Variants in HS2ST1 observed in about 807,000 individuals in gnomAD.
The protein encoded by HS2ST1 is 2-O-sulfotransferase.
HS2ST1 carries 18 observed loss-of-function variants against 42.9 expected under a neutral mutation model. The observed-to-expected ratio is 0.42, with a 90% confidence interval of 0.29 to 0.62. HS2ST1 has a LOEUF of 0.62. Among genes scored for constraint, HS2ST1 ranks in the 20% least tolerant of loss-of-function variants. The pLI is 0.21. For missense variants in HS2ST1, 334 were observed against 433.8 expected (o/e 0.77, Z 2.04); for synonymous variants, 146 against 152.9 (o/e 0.95, Z 0.33).
intron 1 of HS2ST1, among the ~76,000 whole-genome samples, chr1:86,946,765 T>C (rs1294553955): frequency 6.6e-6 from 1 of 152,218 alleles, no homozygotes; most frequent in Non-Finnish European, 1.5e-5. Context: ...GCACATAGCA[T>C]TGCAGATGTG....
At chr1:86,997,576 G>A (rs1249430307) in intron 1 of HS2ST1, among the ~76,000 whole-genome samples, 1 of 152,146 alleles carries the variant, frequency 6.6e-6, no homozygotes, top group Non-Finnish European at 1.5e-5. Context: ...GAGGAGTAAG[G>A]CTGTGTCCCA....
chr1:86,979,898 C>G (rs556077826), intron 1 of HS2ST1, among the ~76,000 whole-genome samples: 9 of 152,238 alleles, frequency 5.9e-5, no homozygotes, highest in African/African-American at 2.2e-4. Context: ...TAGTAGCCAT[C>G]CTAAAGGTCA....
chr1:87,002,814 G>A (rs1300417715), intron 1 of HS2ST1, among the ~76,000 whole-genome samples: 1 of 152,004 alleles, frequency 6.6e-6, no homozygotes, highest in African/African-American at 2.4e-5. Flanking sequence ...CTGATCGGAC[G>A]TTTTGGGAGT....
At chr1:86,995,022 T>C (rs1557508618) in intron 1 of HS2ST1, among the ~76,000 whole-genome samples, 1 of 152,120 alleles carries the variant, frequency 6.6e-6, no homozygotes, top group South Asian at 2.1e-4. Context: ...ACTGTATGTG[T>C]CAAAAATAAA....
At chr1:87,075,161 C>CTTTTTTTTTTTTTTTTTTTTTTTTTT (rs34812948) in intron 2 of HS2ST1, among the ~76,000 whole-genome samples, 1 of 48,596 alleles carries the variant, frequency 2.1e-5, no homozygotes. Context: ...TCTCAGCTAC[C>CTTTTTTTTTTTTTTTTTTTTTTTTTT]TTTTTTTTTT....
At chr1:87,067,301 T>A (rs1232958421) in intron 1 of HS2ST1, among the ~76,000 whole-genome samples, 1 of 152,242 alleles carries the variant, frequency 6.6e-6, no homozygotes, top group East Asian at 1.9e-4. Context: ...GTGGTTTTGA[T>A]TTGCATTTCT....
intron 1 of HS2ST1, among the ~76,000 whole-genome samples, chr1:86,922,440 T>TGTGC (rs1363026512): frequency 6.6e-6 from 1 of 151,902 alleles, no homozygotes; most frequent in Non-Finnish European, 1.5e-5. Flanking sequence ...TGTGTGTGTG[T>TGTGC]GTGTGTATGC....
intron 1 of HS2ST1, among the ~76,000 whole-genome samples, chr1:87,006,077 TTTAA>T (rs1288293113): frequency 6.8e-6 from 1 of 148,000 alleles, no homozygotes; most frequent in Non-Finnish European, 1.5e-5. Context: ...AAAACAAAAC[TTTAA>T]TTAAAAAATT....
At position 87,073,019 on chromosome 1, in the gene HS2ST1, G is replaced by T; in HGVS notation, c.210G>T (p.Glu70Asp). ...CTCGGCAAGATGCCACTTTAGATGA[G>T]GAAGAGGACATGGTGATCATTTATA... ...DGPRQDATLD[E>D]EEDMVIIYNR... Residue 70 changes from glutamate (E) to aspartate (D), a missense_variant, in exon 2 of 7, where the codon GAG becomes GAT. Coordinates refer to ENST00000370550, the MANE Select transcript of HS2ST1 (RefSeq NM_012262.4). 1 of 1,614,052 alleles carries T rather than the reference G, an allele frequency of 6.2e-7. No homozygotes were observed. The highest frequency in any genetic ancestry group is 8.5e-7 in the Non-Finnish European group (1 of 1,179,972).
intron 1 of HS2ST1, among the ~76,000 whole-genome samples, chr1:86,946,197 T>C (rs929905025): frequency 1.8e-4 from 27 of 152,230 alleles, no homozygotes; most frequent in African/African-American, 5.8e-4. Context: ...ATTTTTGTTA[T>C]TATTGTTTAG....
Position 86,966,145 on chromosome 1 carries a change from G to A in HS2ST1, c.124+50985G>A, listed in dbSNP as rs372293946. 5.9e-5 allele frequency among the ~76,000 whole-genome samples: 9 copies of A among 152,332 alleles called. No individual in the cohort carries two copies. In the South Asian group the frequency reaches 1.9e-3, roughly 32 times the overall value. ...CTGGTAGGGGCTTCTTGTCCTTTGT[G>A]ACTTTAGCTCTTATCAGAGAGCTCC... is the stretch of plus-strand genomic sequence containing the variant. On this transcript the variant is annotated intron_variant, in intron 1 of 6. Transcript: ENST00000370550.
intron 5 of HS2ST1, among the ~76,000 whole-genome samples, chr1:87,100,813 T>A (rs1261050880): frequency 6.6e-6 from 1 of 152,050 alleles, no homozygotes; most frequent in Non-Finnish European, 1.5e-5. Context: ...CCCAGCTACT[T>A]GGGAGGCTAA....
intron 1 of HS2ST1, among the ~76,000 whole-genome samples, chr1:86,967,768 C>T (rs1486460901): frequency 6.6e-6 from 1 of 152,152 alleles, no homozygotes; most frequent in Non-Finnish European, 1.5e-5. Flanking sequence ...ATTTATGTGC[C>T]TGCGTCTTTT....
At chr1:86,944,800 A>G (rs984827849) in intron 1 of HS2ST1, among the ~76,000 whole-genome samples, 6 of 152,060 alleles carry the variant, frequency 3.9e-5, no homozygotes, top group Non-Finnish European at 7.4e-5. Flanking sequence ...TAGAACCATG[A>G]AAAATATTAT....
rs1660106612 is a variant in HS2ST1 at position 86,914,926 on chromosome 1, T to G, written c.-111T>G. ...GCTGCGGTGGTTCTCTCGCTGTCGC[T>G]CTCTCTTTGCCTCGCTCCCGGCTCG... is the stretch of plus-strand genomic sequence containing the variant. On this transcript the variant is annotated 5_prime_UTR_variant, in exon 1 of 7. Coordinates refer to ENST00000370550, the MANE Select transcript of HS2ST1 (RefSeq NM_012262.4). 1 of 1,368,418 alleles carries G rather than the reference T, an allele frequency of 7.3e-7. No homozygotes were observed. Among genetic ancestry groups the G allele is most frequent in the Non-Finnish European group, 1.0e-6 (1 of 985,688 alleles). The allele number at this position is 1,368,418 out of a possible 1,614,324, so 84.8% of individuals were successfully genotyped here. A position where few individuals can be genotyped will look rare whatever the true frequency, so the allele number is the denominator to read the frequency against.
intron 1 of HS2ST1, among the ~76,000 whole-genome samples, chr1:87,027,895 G>A (rs1333587537): frequency 6.6e-6 from 1 of 152,164 alleles, no homozygotes; most frequent in Admixed American, 6.5e-5. Context: ...TCACCATGTT[G>A]GCCAGGCTGG....
At chr1:87,022,876 G>T (rs1649987346) in intron 1 of HS2ST1, among the ~76,000 whole-genome samples, 2 of 152,114 alleles carry the variant, frequency 1.3e-5, no homozygotes, top group Admixed American at 1.3e-4. Context: ...TTCAAAATGG[G>T]TTGGAAACTT....
At chr1:86,930,647 A>C (rs1177599168) in intron 1 of HS2ST1, among the ~76,000 whole-genome samples, 1 of 151,968 alleles carries the variant, frequency 6.6e-6, no homozygotes, top group Non-Finnish European at 1.5e-5. Context: ...CTTTTTAAAA[A>C]AATTTAACCA....
intron 1 of HS2ST1, among the ~76,000 whole-genome samples, chr1:86,986,880 T>G (rs1301761284): frequency 3.9e-5 from 6 of 152,044 alleles, no homozygotes; most frequent in African/African-American, 1.4e-4. Flanking sequence ...GCCACCAAAT[T>G]ATGGTAATTT....
Sources: gnomAD v4.1 joint callset for allele counts (sites outside exome capture counted in the v4.1 genomes callset) on GRCh38, gnomAD v4.1.1 for gene constraint, MANE v1.5 for transcripts, NCBI Gene and HGNC (gene_info 2026-07-23, HGNC 2026-07-21) for gene names.